TBL1XR1: variants seen among roughly 807,000 people sequenced by gnomAD.
TBL1XR1 encodes TBL1X/Y related 1.
TBL1XR1 carries 5 observed loss-of-function variants against 66.9 expected under a neutral mutation model. The ratio of observed to expected loss-of-function variants is 0.07; its 90% CI spans 0.04 to 0.16. The LOEUF (loss-of-function observed/expected upper bound fraction) is 0.16. Ranked by LOEUF, TBL1XR1 falls within the 10% of genes least tolerant of loss-of-function variation. The pLI is 1.00. For synonymous variants in TBL1XR1, 210 were observed against 206.0 expected (o/e 1.02, Z -0.17); for missense variants, 238 against 623.2 (o/e 0.38, Z 6.58).
rs558084972 is a variant in TBL1XR1, at chr3:177,106,237, G to A, written c.-121-7696C>T. 2.2e-4 allele frequency among the ~76,000 whole-genome samples: 34 copies of A among 152,316 alleles called. No homozygotes were observed. In the East Asian group the frequency reaches 6.6e-3, roughly 29 times the overall value. Reference sequence around the variant, plus strand: ...ACAAAATTTTAAGTAGTAGGCAGAAGTTATAGAAAGGTATTTTTTTCCTAT... The same window carrying A: ...ACAAAATTTTAAGTAGTAGGCAGAAATTATAGAAAGGTATTTTTTTCCTAT... On this transcript the variant is annotated intron_variant, in intron 1 of 15. Transcript: ENST00000457928.
chr3:177,099,503 G>A (rs1207126764), intron 1 of TBL1XR1: 1 of 152,268 alleles, frequency 6.6e-6, no homozygotes, highest in Non-Finnish European at 1.5e-5. Flanking sequence ...ACCACAGAAA[G>A]GAGTTTACTA....
chr3:177,073,072 G>GA (rs979933930), intron 2 of TBL1XR1, among the ~76,000 whole-genome samples: 5 of 151,304 alleles, frequency 3.3e-5, no homozygotes, highest in South Asian at 2.1e-4. Context: ...TTCAAAAAAA[G>GA]AAAAAAAATA....
chr3:177,172,667 GGAGGGGAGGGGAGGGGA>G (rs908286347), intron 1 of TBL1XR1, among the ~76,000 whole-genome samples: 21 of 126,916 alleles, frequency 1.7e-4, no homozygotes, highest in African/African-American at 6.6e-4. Context: ...GAGAGAGAAG[GGAGGGGAGGGGAGGGGA>G]GAGGGGAGGG....
At chr3:177,074,722 G>A (rs930007736) in intron 2 of TBL1XR1, among the ~76,000 whole-genome samples, 2 of 152,154 alleles carry the variant, frequency 1.3e-5, no homozygotes, top group African/African-American at 4.8e-5. Flanking sequence ...AAGCCAGGTA[G>A]GTGACAGGCT....
chr3:177,046,709 C>T lies in TBL1XR1; in HGVS notation c.865-520G>A, dbSNP rs534332635. ...TTCCCAGCCTACTTCACTTTTCTTC[C>T]CCTTTTGCCACTTTTTTTATTGCTC... On this transcript the variant is annotated intron_variant, in intron 9 of 15. Coordinates refer to ENST00000457928, the MANE Select transcript of TBL1XR1 (RefSeq NM_024665.7). Among the ~76,000 whole-genome samples the T allele has an allele frequency of 9.2e-5, 14 of 152,158 alleles. No homozygotes were observed. In the South Asian group the frequency reaches 1.9e-3, roughly 20 times the overall value.
At chr3:177,112,105 A>ATTT (rs1437717145) in intron 1 of TBL1XR1, among the ~76,000 whole-genome samples, 25 of 40,278 alleles carry the variant, frequency 6.2e-4, no homozygotes, top group African/African-American at 2.0e-3. Flanking sequence ...ATATATATAT[A>ATTT]TATTTTTTTT....
At chr3:177,162,007 T>C (rs538492309) in intron 1 of TBL1XR1, among the ~76,000 whole-genome samples, 17 of 152,176 alleles carry the variant, frequency 1.1e-4, no homozygotes, top group African/African-American at 4.1e-4. Context: ...ACACTGCTAG[T>C]GAAAGAGCAG....
At chr3:177,140,101 G>A (rs948552568) in intron 1 of TBL1XR1, among the ~76,000 whole-genome samples, 2 of 152,152 alleles carry the variant, frequency 1.3e-5, no homozygotes, top group African/African-American at 2.4e-5. Context: ...AGGAGTTCGA[G>A]ACCAGCCTGG....
chr3:177,189,490 T>C (rs1018719602), intron 1 of TBL1XR1, among the ~76,000 whole-genome samples: 1 of 151,498 alleles, frequency 6.6e-6, no homozygotes, highest in African/African-American at 2.4e-5. Flanking sequence ...CCATCTCTAC[T>C]AAAATTACAA....
intron 2 of TBL1XR1, among the ~76,000 whole-genome samples, chr3:177,079,267 T>TA (rs1026611166): frequency 2.0e-5 from 3 of 149,742 alleles, no homozygotes; most frequent in Non-Finnish European, 4.5e-5. Flanking sequence ...CCGTCTCCAC[T>TA]AAAAAAATAC....
rs1226996986 is a variant in TBL1XR1 at position 177,135,375 on chromosome 3, A to ATATATATG, written c.-121-36842_-121-36835dup. Among the ~76,000 whole-genome samples the ATATATATG allele has an allele frequency of 1.6e-4, 5 of 31,406 alleles. No individual in the cohort carries two copies. In the South Asian group the frequency reaches 4.5e-3, roughly 29 times the overall value. The allele number at this position is 31,406 out of a possible 152,430, so 20.6% of individuals were successfully genotyped here. ...TATATATATATATATATATATATAT[A>ATATATATG]TATATATGTATGTATTTTTTTTTTA... On this transcript the variant is annotated intron_variant, in intron 1 of 15. Transcript: ENST00000457928.
chr3:177,115,772 C>A (rs150356214), intron 1 of TBL1XR1, among the ~76,000 whole-genome samples: 388 of 152,292 alleles, frequency 2.5e-3, no homozygotes, highest in Non-Finnish European at 4.6e-3. Context: ...TGTTGAGGCA[C>A]TGCTTAATTA....
intron 1 of TBL1XR1, among the ~76,000 whole-genome samples, chr3:177,156,588 T>C (rs1731550010): frequency 6.6e-6 from 1 of 150,634 alleles, no homozygotes; most frequent in Non-Finnish European, 1.5e-5. Context: ...TATATATATA[T>C]ATAAAATTCT....
chr3:177,062,667 A>C (rs1413345631), intron 3 of TBL1XR1, among the ~76,000 whole-genome samples: 1 of 152,214 alleles, frequency 6.6e-6, no homozygotes, highest in Non-Finnish European at 1.5e-5. Flanking sequence ...GTAAAGTCTA[A>C]AACTTTCTAA....
chr3:177,074,156 C>G (rs1577085309), intron 2 of TBL1XR1, among the ~76,000 whole-genome samples: 1 of 152,122 alleles, frequency 6.6e-6, no homozygotes, highest in South Asian at 2.1e-4. Flanking sequence ...CAAGTTATAC[C>G]TGGTACAGTT....
At chr3:177,083,115 C>T (rs1488151303) in intron 2 of TBL1XR1, among the ~76,000 whole-genome samples, 1 of 151,698 alleles carries the variant, frequency 6.6e-6, no homozygotes, top group Non-Finnish European at 1.5e-5. Context: ...AAATACAACA[C>T]ACTGAAAAAA....
intron 1 of TBL1XR1, among the ~76,000 whole-genome samples, chr3:177,166,152 C>T (rs1355496593): frequency 6.6e-6 from 1 of 152,060 alleles, no homozygotes; most frequent in Non-Finnish European, 1.5e-5. Context: ...TCTGGGAGGC[C>T]AAGGCAGGTG....
At chr3:177,099,228 G>A (rs566940611) in intron 1 of TBL1XR1, among the ~76,000 whole-genome samples, 7 of 152,226 alleles carry the variant, frequency 4.6e-5, no homozygotes, top group South Asian at 4.2e-4. Flanking sequence ...TCAGCTGGGC[G>A]TGGTGGCGGG....
At chr3:177,081,803 A>G (rs1442153705) in intron 2 of TBL1XR1, among the ~76,000 whole-genome samples, 1 of 151,960 alleles carries the variant, frequency 6.6e-6, no homozygotes, top group East Asian at 1.9e-4. Context: ...ATAAGATACA[A>G]TTAATAGTAT....
Sources: gnomAD v4.1 joint callset for allele counts (sites outside exome capture counted in the v4.1 genomes callset) on GRCh38, gnomAD v4.1.1 for gene constraint, MANE v1.5 for transcripts, NCBI Gene and HGNC (gene_info 2026-07-23, HGNC 2026-07-21) for gene names.